DGKD: variants seen among roughly 807,000 people sequenced by gnomAD.
The protein encoded by DGKD is diacylglycerol kinase delta.
DGKD carries 68 observed loss-of-function variants against 154.4 expected under a neutral mutation model. That is an observed-to-expected ratio of 0.44 (90% CI 0.36 to 0.54). The LOEUF is 0.54. DGKD is among the 20% of genes least tolerant of loss of function. The pLI is 0.00. For synonymous variants in DGKD, 693 were observed against 638.0 expected (o/e 1.09, Z -1.30); for missense variants, 1,343 against 1,593.6 (o/e 0.84, Z 2.68).
rs528137278 is a variant in DGKD, at chr2:233,368,916, G to A, written c.156+14242G>A. Among the ~76,000 whole-genome samples, 34 of 152,284 alleles carry A rather than the reference G, an allele frequency of 2.2e-4. 1 individual carries two copies. The highest frequency in any genetic ancestry group is 7.7e-4 in the African/African-American group (32 of 41,558). On this transcript the variant is annotated intron_variant, in intron 1 of 29. Transcript: ENST00000264057. ...GTTTCAGGTAGAAGGGACAGTGTGC[G>A]TCCTGTGGCCGAGGCTGCCAGCCCA...
intron 3 of DGKD, among the ~76,000 whole-genome samples, chr2:233,424,788 GA>G (rs1340793467): frequency 6.6e-6 from 1 of 152,226 alleles, no homozygotes; most frequent in East Asian, 1.9e-4. Flanking sequence ...AGATAACCTG[GA>G]AAACACGCGG....
At chr2:233,410,321 C>T (rs899288078) in intron 3 of DGKD, among the ~76,000 whole-genome samples, 2 of 152,122 alleles carry the variant, frequency 1.3e-5, no homozygotes, top group Non-Finnish European at 2.9e-5. Context: ...GTCCTGTGCC[C>T]GTCATTGACC....
At chr2:233,436,491 C>T (rs367907291) in intron 7 of DGKD, 50 bp downstream of exon 7, 146 of 1,585,010 alleles carry the variant, frequency 9.2e-5, no homozygotes, top group Non-Finnish European at 1.1e-4. Flanking sequence ...TGCTCCCTAC[C>T]GTGCCCATGC....
chr2:233,415,497 C>T (rs1165963983), intron 3 of DGKD, among the ~76,000 whole-genome samples: 1 of 152,140 alleles, frequency 6.6e-6, no homozygotes, highest in African/African-American at 2.4e-5. Context: ...CTGCCAGAGG[C>T]CATTGGGATA....
Position 233,449,965 on chromosome 2 carries a change from A to G in DGKD, c.1889-17A>G, listed in dbSNP as rs1442640388. The G allele has an allele frequency of 1.0e-5, 16 of 1,575,146 alleles. No homozygotes were observed. The highest frequency in any genetic ancestry group is 1.4e-5 in the Non-Finnish European group (16 of 1,158,128). On this transcript the variant is annotated splice_polypyrimidine_tract_variant and intron_variant, in intron 15 of 29. Coordinates refer to ENST00000264057, the MANE Select transcript of DGKD (RefSeq NM_152879.3). The surrounding 1 kb of genome is among the most constrained non-coding windows in gnomAD (Gnocchi z 5.3). ...TTTGCACCCGCGTGCTCAGCCGCAC[A>G]CACTCTCCTTGCACAGCTGTCGATG...
At chr2:233,388,999 T>C (rs1259120705) in intron 2 of DGKD, 1 of 152,262 alleles carries the variant, frequency 6.6e-6, no homozygotes, top group Non-Finnish European at 1.5e-5. Flanking sequence ...TGCCTGCCTC[T>C]GCCTCCCAAA....
intron 1 of DGKD, chr2:233,385,913 T>C (rs910287128): frequency 5.5e-6 from 2 of 364,940 alleles, no homozygotes; most frequent in Non-Finnish European, 1.1e-5. Flanking sequence ...TGAGCACTCT[T>C]GTTATAAATA....
intron 3 of DGKD, among the ~76,000 whole-genome samples, chr2:233,433,645 C>T (rs2062601900): frequency 1.3e-5 from 2 of 152,162 alleles, no homozygotes; most frequent in Admixed American, 1.3e-4. Context: ...CCCATTTACT[C>T]TGTGATTATT....
intron 1 of DGKD, among the ~76,000 whole-genome samples, chr2:233,371,753 G>A (rs1416308401): frequency 6.6e-6 from 1 of 152,154 alleles, no homozygotes; most frequent in Non-Finnish European, 1.5e-5. Flanking sequence ...TTCCTGTGTG[G>A]ATGTGCAGTT....
At chr2:233,419,528 A>G (rs2062048612) in intron 3 of DGKD, 1 of 814,756 alleles carries the variant, frequency 1.2e-6, no homozygotes, top group Non-Finnish European at 1.5e-6. Flanking sequence ...TCCTTGTAAG[A>G]TGCTCCAGAG....
chr2:233,398,169 G>A (rs1440531551), intron 3 of DGKD, among the ~76,000 whole-genome samples: 1 of 142,304 alleles, frequency 7.0e-6, no homozygotes, highest in Non-Finnish European at 1.5e-5. Context: ...TTGAGATGGA[G>A]TCTCGCTCTG....
chr2:233,434,612 C>A, intron 4 of DGKD, 128 bp downstream of exon 4: 1 of 1,427,110 alleles, frequency 7.0e-7, no homozygotes, highest in Non-Finnish European at 9.7e-7. Flanking sequence ...GTTCTTTATA[C>A]AATTAAAGCT....
chr2:233,434,001 A>T (rs1218747560), intron 3 of DGKD, among the ~76,000 whole-genome samples: 1 of 152,192 alleles, frequency 6.6e-6, no homozygotes, highest in Non-Finnish European at 1.5e-5. Flanking sequence ...CAACTGTTCA[A>T]ATGCTGGCCA....
At chr2:233,394,220 A>G (rs1703842130) in intron 3 of DGKD, among the ~76,000 whole-genome samples, 1 of 152,200 alleles carries the variant, frequency 6.6e-6, no homozygotes. Context: ...TCATTTGTTA[A>G]TAAAGATTAA....
chr2:233,448,578 A>G (rs1172264779), intron 14 of DGKD, among the ~76,000 whole-genome samples: 1 of 152,222 alleles, frequency 6.6e-6, no homozygotes, highest in African/African-American at 2.4e-5. Flanking sequence ...TACACTCCAC[A>G]CTGTGGGAGC....
intron 10 of DGKD, 86 bp downstream of exon 10, chr2:233,442,081 T>C (rs2125614711): frequency 8.5e-7 from 1 of 1,176,378 alleles, no homozygotes; most frequent in Non-Finnish European, 1.3e-6. Context: ...CCTGTTCATC[T>C]CGGAGCACCT....
chr2:233,448,104 C>T lies in DGKD; in HGVS notation c.1437C>T (p.Phe479=). 1 of 1,614,110 alleles carries T rather than the reference C, an allele frequency of 6.2e-7. No individual in the cohort carries two copies. Among genetic ancestry groups the T allele is most frequent in the Non-Finnish European group, 8.5e-7 (1 of 1,180,042 alleles). Residue 479 remains phenylalanine, a synonymous_variant, in exon 13 of 30, where the codon TTC becomes TTT. Transcript: ENST00000264057. ...GATTGCAGGTACAGCAGATTCTCTT[C>T]TATGAAGACTCGGTTGCAGCCCACC... ...SEDSEVQQIL[F]YEDSVAAHLS...
chr2:233,448,970 C>T, intron 14 of DGKD, 133 bp from the exon 15 acceptor site: 2 of 1,155,118 alleles, frequency 1.7e-6, no homozygotes, highest in South Asian at 1.6e-5. Flanking sequence ...CTTTTTGTTA[C>T]TTAGGCGTGG....
chr2:233,386,816 C>T (rs1172322519), intron 1 of DGKD, among the ~76,000 whole-genome samples: 2 of 152,196 alleles, frequency 1.3e-5, no homozygotes, highest in Non-Finnish European at 2.9e-5. Context: ...AAGCAGAGTT[C>T]ACCATGATTG....
Sources: allele counts gnomAD v4.1 joint callset (sites outside exome capture counted in the v4.1 genomes callset), GRCh38; gene constraint gnomAD v4.1.1; non-coding constraint Gnocchi (gnomAD v3.1); transcripts MANE v1.5; gene names NCBI Gene and HGNC (gene_info 2026-07-23, HGNC 2026-07-21).